The following NXPE3 variants were observed in gnomAD, a reference collection of about 807,000 sequenced individuals.
NXPE3 encodes NXPE family member 3.
NXPE3 carries 26 observed loss-of-function variants against 46.1 expected under a neutral mutation model. The ratio of observed to expected loss-of-function variants is 0.56; its 90% CI spans 0.41 to 0.78. The LOEUF (loss-of-function observed/expected upper bound fraction) is 0.78. Ranked by LOEUF, NXPE3 falls within the 30% of genes least tolerant of loss-of-function variation. The probability of loss-of-function intolerance (pLI) is 0.00; values close to 1 mark genes in which losing one functional copy is unlikely to be tolerated. For missense variants in NXPE3, 620 were observed against 686.0 expected, an observed-to-expected ratio of 0.90 and a Z score of 1.07; for synonymous variants, 272 against 257.9, an observed-to-expected ratio of 1.05 and a Z score of -0.52.
chr3:101,784,417 T>G (rs776733673), intron 3 of NXPE3, among the ~76,000 whole-genome samples: 4 of 152,150 alleles, frequency 2.6e-5, no homozygotes, highest in Non-Finnish European at 5.9e-5. Context: ...ATTGGCATTG[T>G]CATTGTGGTT....
Position 101,785,424 on chromosome 3 carries a change from C to T in NXPE3, c.-173C>T. On this transcript the variant is annotated 5_prime_UTR_variant, in exon 4 of 8. Transcript: ENST00000273347. ...AAGGATTTCTTTGAAGAAAAATGTG[C>T]TTCTTGAATCAACTGCAGTCTCTCC... 1.7e-6 allele frequency: 1 copy of T among 585,508 alleles called. No homozygotes were observed. The highest frequency in any genetic ancestry group is 2.9e-5 in the East Asian group (1 of 34,788). The allele number at this position is 585,508 out of a possible 1,614,324, so 36.3% of individuals were successfully genotyped here.
intron 1 of NXPE3, chr3:101,779,989 AG>A (rs1386681170): frequency 6.6e-6 from 1 of 152,268 alleles, no homozygotes; most frequent in Non-Finnish European, 1.5e-5. Context: ...AAAGGCCACT[AG>A]GGTGGTAATA....
chr3:101,828,069 G>A lies in NXPE3; in HGVS notation c.*6115G>A, dbSNP rs1942578499. 1 of 152,144 alleles carries A rather than the reference G, an allele frequency of 6.6e-6. No homozygotes were observed. The highest frequency in any genetic ancestry group is 2.4e-5 in the African/African-American group (1 of 41,428). The allele number at this position is 152,144 out of a possible 1,614,324, so 9.4% of individuals were successfully genotyped here. A position where few individuals can be genotyped will look rare whatever the true frequency, so the allele number is the denominator to read the frequency against. On this transcript the variant is annotated 3_prime_UTR_variant, in exon 8 of 8. Coordinates refer to ENST00000273347, the MANE Select transcript of NXPE3 (RefSeq NM_145037.4). ...TGCTGCTTATCATGTAACCTCAAAAGGAAACTGATCGTCTTTCTCATGCTG... is the reference window on the plus strand; with the variant it reads ...TGCTGCTTATCATGTAACCTCAAAAAGAAACTGATCGTCTTTCTCATGCTG...
chr3:101,812,964 A>G (rs1941790655), intron 6 of NXPE3, among the ~76,000 whole-genome samples: 1 of 152,160 alleles, frequency 6.6e-6, no homozygotes, highest in Non-Finnish European at 1.5e-5. Flanking sequence ...GGACTAAAAT[A>G]TATAGGAAAG....
intron 4 of NXPE3, among the ~76,000 whole-genome samples, chr3:101,788,341 C>CT (rs1277030687): frequency 6.6e-6 from 1 of 152,112 alleles, no homozygotes; most frequent in African/African-American, 2.4e-5. Context: ...CTTTTTCACT[C>CT]TGATTTTGTC....
intron 3 of NXPE3, among the ~76,000 whole-genome samples, chr3:101,783,222 C>T (rs1438519802): frequency 1.3e-5 from 2 of 152,088 alleles, no homozygotes; most frequent in Non-Finnish European, 2.9e-5. Context: ...CCACCACGCC[C>T]AGCTAATTTG....
At chr3:101,809,637 T>C (rs11716558) in intron 6 of NXPE3, among the ~76,000 whole-genome samples, 46,841 of 152,120 alleles carry the variant, frequency 0.31, 7,426 homozygotes, top group Non-Finnish European at 0.34. Context: ...TTTTAAGTAT[T>C]TATATCAGTG....
intron 7 of NXPE3, among the ~76,000 whole-genome samples, chr3:101,819,999 C>T (rs992470775): frequency 6.9e-6 from 1 of 144,020 alleles, no homozygotes; most frequent in Admixed American, 6.9e-5. Context: ...TGAGGTTCCA[C>T]ATCAAAGACA....
chr3:101,810,370 T>C (rs765627957), intron 6 of NXPE3, among the ~76,000 whole-genome samples: 1 of 152,222 alleles, frequency 6.6e-6, no homozygotes, highest in Non-Finnish European at 1.5e-5. Flanking sequence ...CAATGAAGTT[T>C]TACATTTGTG....
In NXPE3 at chr3:101,801,730, C is replaced by G. The variant is rs1171484138; in HGVS notation, c.589C>G (p.Leu197Val). 6.2e-7 allele frequency: 1 copy of G among 1,614,194 alleles called. No individual in the cohort carries two copies. Among genetic ancestry groups the G allele is most frequent in the African/African-American group, 1.3e-5 (1 of 75,050 alleles). Residue 197 changes from leucine (L) to valine (V), a missense_variant, in exon 5 of 8, where the codon CTT becomes GTT. By Grantham distance (32) the Leu-to-Val change is conservative. Transcript: ENST00000273347. ...CCACCCCAGTGAAGGGATCAGAGTTCTTCAGCGCTTACAGGAAGATAAACC... is the reference window on the plus strand; with the variant it reads ...CCACCCCAGTGAAGGGATCAGAGTTGTTCAGCGCTTACAGGAAGATAAACC... ...LVHPSEGIRV[L>V]QRLQEDKPDR...
In NXPE3 at chr3:101,785,659, G is replaced by GTT. The variant is rs1940127169; in HGVS notation, c.63_64insTT (p.Val22LeufsTer10). 6.2e-7 allele frequency: 1 copy of GTT among 1,613,868 alleles called. No individual in the cohort carries two copies. Among genetic ancestry groups the GTT allele is most frequent in the Admixed American group, 1.7e-5 (1 of 59,996 alleles). ...GTCTGCTTGCAGTGTTGATGGTGGT[G>GTT]GTGCTGGTCATCAATGTTACTCAGG... On this transcript the variant is annotated frameshift_variant, in exon 4 of 8. Transcript: ENST00000273347. LOFTEE classifies it high-confidence loss of function.
intron 3 of NXPE3, 29 bp from the exon 4 acceptor site, chr3:101,785,372 GT>G: frequency 2.0e-6 from 1 of 501,272 alleles, no homozygotes; most frequent in Non-Finnish European, 3.7e-6. Context: ...ATTGCAATTG[GT>G]GATGTTCTCT....
chr3:101,796,470 A>C (rs1202466352), intron 4 of NXPE3, among the ~76,000 whole-genome samples: 2 of 152,224 alleles, frequency 1.3e-5, no homozygotes, highest in African/African-American at 2.4e-5. Flanking sequence ...ATTGGGTTGC[A>C]TGTATCAGTC....
At chr3:101,805,647 C>T (rs1941381862) in intron 5 of NXPE3, among the ~76,000 whole-genome samples, 1 of 152,054 alleles carries the variant, frequency 6.6e-6, no homozygotes, top group Admixed American at 6.6e-5. Flanking sequence ...GCCATGTTGG[C>T]CAGGCTGGTC....
intron 4 of NXPE3, among the ~76,000 whole-genome samples, chr3:101,800,658 C>T (rs184377980): frequency 2.0e-5 from 3 of 151,242 alleles, no homozygotes; most frequent in African/African-American, 7.3e-5. Flanking sequence ...GTTTTTGCCT[C>T]ACATGTTTTG....
At chr3:101,782,436 T>C (rs1939877567) in intron 2 of NXPE3, 146 bp downstream of exon 2, 1 of 152,190 alleles carries the variant, frequency 6.6e-6, no homozygotes, top group Non-Finnish European at 1.5e-5. Flanking sequence ...GTAGGTTTTA[T>C]GTTTATAGGA....
chr3:101,784,210 TA>T (rs1940008993), intron 3 of NXPE3, among the ~76,000 whole-genome samples: 1 of 152,224 alleles, frequency 6.6e-6, no homozygotes, highest in South Asian at 2.1e-4. Flanking sequence ...TTTTCTCTGA[TA>T]TATGGTTTTT....
At chr3:101,802,873 C>G (rs1389995791) in intron 5 of NXPE3, among the ~76,000 whole-genome samples, 2 of 150,176 alleles carry the variant, frequency 1.3e-5, no homozygotes, top group Non-Finnish European at 2.9e-5. Flanking sequence ...ATAAAAGCTA[C>G]ATGGTTAAAA....
intron 6 of NXPE3, among the ~76,000 whole-genome samples, chr3:101,809,608 A>G (rs1941617092): frequency 6.6e-6 from 1 of 152,236 alleles, no homozygotes; most frequent in Admixed American, 6.5e-5. Context: ...TTTTGCAAAG[A>G]AGAGTTGTCC....
Sources: allele counts gnomAD v4.1 joint callset (sites outside exome capture counted in the v4.1 genomes callset), GRCh38; gene constraint gnomAD v4.1.1; transcripts MANE v1.5; gene names NCBI Gene and HGNC (gene_info 2026-07-23, HGNC 2026-07-21).